Variants in CUBN observed in about 807,000 individuals in gnomAD.
The protein encoded by CUBN is 460 kDa receptor.
Under a neutral mutation model 405.3 loss-of-function variants are expected in CUBN, and 282 were observed. The ratio of observed to expected loss-of-function variants is 0.70; its 90% CI spans 0.63 to 0.77. The LOEUF is 0.77. CUBN is among the 30% of genes least tolerant of loss of function. CUBN has a pLI of 0.00. For missense variants in CUBN, 4,514 were observed against 4,475.2 expected (o/e 1.01, Z -0.25); for synonymous variants, 1,684 against 1,617.0 (o/e 1.04, Z -0.99).
intron 22 of CUBN, among the ~76,000 whole-genome samples, chr10:17,055,029 A>G (rs952054297): frequency 1.3e-5 from 2 of 152,120 alleles, no homozygotes; most frequent in Non-Finnish European, 2.9e-5. Context: ...GCAAAAATCC[A>G]TAAGAAAATT....
At chr10:16,991,489 A>G (rs1367822575) in intron 28 of CUBN, among the ~76,000 whole-genome samples, 1 of 152,260 alleles carries the variant, frequency 6.6e-6, no homozygotes, top group Non-Finnish European at 1.5e-5. Context: ...GGAGAGGAAG[A>G]GAAAACTTTG....
Position 16,925,349 on chromosome 10 carries a change from C to T in CUBN, c.6538G>A (p.Ala2180Thr), listed in dbSNP as rs769495257. Residue 2180 changes from alanine to threonine, a missense_variant, in exon 43 of 67, where the codon GCT (alanine) becomes ACT (threonine). Ala to Thr is a moderately conservative substitution (Grantham distance 58, BLOSUM62 0). Coordinates refer to ENST00000377833, the MANE Select transcript of CUBN (RefSeq NM_001081.4). ...GGNGHFCGSH[A>T]SSTLFTSDNQ... ...TCCGAGGTGAACAGAGTTGATGAAG[C>T]ATGACTGCCACAAAAATGACCATTT... 11 of 1,613,888 alleles carry T rather than the reference C, an allele frequency of 6.8e-6. No homozygotes were observed. The highest frequency in any genetic ancestry group is 3.3e-5 in the South Asian group (3 of 91,080).
intron 60 of CUBN, among the ~76,000 whole-genome samples, chr10:16,842,994 A>G (rs1411083335): frequency 1.3e-5 from 2 of 152,196 alleles, no homozygotes; most frequent in African/African-American, 2.4e-5. Context: ...AATGCTATTG[A>G]ATGTTGCCCT....
At chr10:17,017,980 C>T (rs1472507886) in intron 28 of CUBN, among the ~76,000 whole-genome samples, 1 of 152,124 alleles carries the variant, frequency 6.6e-6, no homozygotes, top group Non-Finnish European at 1.5e-5. Context: ...GGCCAACCAA[C>T]TTGTTGTTGG....
intron 22 of CUBN, among the ~76,000 whole-genome samples, chr10:17,060,954 C>T (rs1048437948): frequency 1.3e-5 from 2 of 152,110 alleles, no homozygotes; most frequent in East Asian, 3.9e-4. Context: ...GAGGCTGAGG[C>T]AGGAGAATCA....
intron 59 of CUBN, among the ~76,000 whole-genome samples, chr10:16,854,375 C>G (rs1315356479): frequency 6.6e-6 from 1 of 152,218 alleles, no homozygotes; most frequent in Non-Finnish European, 1.5e-5. Context: ...GTTTGGCTGT[C>G]AGACTGTGTT....
chr10:17,017,929 C>T (rs1255773376), intron 28 of CUBN, among the ~76,000 whole-genome samples: 1 of 152,082 alleles, frequency 6.6e-6, no homozygotes, highest in Non-Finnish European at 1.5e-5. Flanking sequence ...GCAAGTCTTG[C>T]TTGGGTGACA....
chr10:16,825,746 T>A (rs1838758301), intron 66 of CUBN, among the ~76,000 whole-genome samples: 1 of 151,188 alleles, frequency 6.6e-6, no homozygotes, highest in Non-Finnish European at 1.5e-5. Flanking sequence ...ATCAAGGCAC[T>A]GCCACGCTGC....
chr10:16,993,855 AT>A (rs1300265179), intron 28 of CUBN, among the ~76,000 whole-genome samples: 1 of 152,118 alleles, frequency 6.6e-6, no homozygotes, highest in African/African-American at 2.4e-5. Flanking sequence ...ATATTGTATG[AT>A]CATGAGAAAG....
At position 16,982,581 on chromosome 10, in the gene CUBN, T is replaced by C. The variant is rs1025505410; in HGVS notation, c.4598A>G (p.Asn1533Ser). The C allele has an allele frequency of 2.5e-6, 4 of 1,613,674 alleles. No individual in the cohort carries two copies. Among genetic ancestry groups the C allele is most frequent in the Non-Finnish European group, 3.4e-6 (4 of 1,179,688 alleles). The change falls in exon 31 of 67, where the codon AAC becomes AGC. Residue 1533 changes from asparagine (N) to serine (S), a missense_variant. This residue lies in a region of CUBN where 1,613 missense variants were observed against 1,542.8 expected (regional missense o/e 1.05). Coordinates refer to ENST00000377833, the MANE Select transcript of CUBN (RefSeq NM_001081.4). ...CCGAATGACCCAAGAACAGTCTGTG[T>C]TGCTCCTATAAGGACTGGGGTAATT... The part of the protein sequence containing the change: ...SPNYPSPYRS[N>S]TDCSWVIRVD...
At chr10:16,977,182 G>A (rs1250150002) in intron 31 of CUBN, among the ~76,000 whole-genome samples, 1 of 152,158 alleles carries the variant, frequency 6.6e-6, no homozygotes, top group Non-Finnish European at 1.5e-5. Flanking sequence ...CTAGGTAGAA[G>A]AGGGCAGTTC....
chr10:17,000,035 A>G (rs761708538), intron 28 of CUBN, among the ~76,000 whole-genome samples: 6 of 152,218 alleles, frequency 3.9e-5, no homozygotes, highest in Non-Finnish European at 8.8e-5. Context: ...ACAACATCCC[A>G]TGCTGCAGGC....
At chr10:16,877,154 C>T (rs1840533990) in intron 56 of CUBN, 57 bp from the exon 57 acceptor site, 3 of 1,473,890 alleles carry the variant, frequency 2.0e-6, no homozygotes, top group Non-Finnish European at 1.9e-6. Context: ...ACAATTAAGG[C>T]CATAAAAATA....
chr10:17,094,277 A>G, intron 14 of CUBN, among the ~76,000 whole-genome samples: 1 of 152,110 alleles, frequency 6.6e-6, no homozygotes, highest in East Asian at 1.9e-4. Flanking sequence ...GTATTCTTAG[A>G]GAGCTAATAG....
chr10:16,860,940 C>T (rs1041232468), intron 59 of CUBN, among the ~76,000 whole-genome samples: 4 of 152,184 alleles, frequency 2.6e-5, no homozygotes, highest in Non-Finnish European at 4.4e-5. Flanking sequence ...GATGATAGCA[C>T]GCTCCAGCTC....
At chr10:16,985,596 G>GC (rs1833394272) in intron 29 of CUBN, among the ~76,000 whole-genome samples, 1 of 152,204 alleles carries the variant, frequency 6.6e-6, no homozygotes, top group African/African-American at 2.4e-5. Context: ...GAATACTGTA[G>GC]CCTGCCCATG....
rs145398199 is a variant in CUBN at position 16,981,774 on chromosome 10, C to G, written c.4695+710G>C. ...AGGCAGCCAAGCAAATAAGCCACCC[C>G]CTTCGCAAGTCCTGTAAAGGAGTCA... On this transcript the variant is annotated intron_variant, in intron 31 of 66. Coordinates refer to ENST00000377833, the MANE Select transcript of CUBN (RefSeq NM_001081.4). 3.3e-5 allele frequency among the ~76,000 whole-genome samples: 5 copies of G among 152,278 alleles called. No individual in the cohort carries two copies. The East Asian group carries it at 9.7e-4, about 29-fold the overall frequency.
chr10:16,838,896 T>G (rs2131316671), intron 62 of CUBN, among the ~76,000 whole-genome samples: 1 of 152,292 alleles, frequency 6.6e-6, no homozygotes, highest in African/African-American at 2.4e-5. Context: ...TCCACCAGCC[T>G]TGGCCTCCCA....
At position 17,068,277 on chromosome 10, in the gene CUBN, C is replaced by A; in HGVS notation, c.2795G>T (p.Cys932Phe). 1 of 1,613,512 alleles carries A rather than the reference C, an allele frequency of 6.2e-7. No homozygotes were observed. Among genetic ancestry groups the A allele is most frequent in the Admixed American group, 1.7e-5 (1 of 59,966 alleles). ...MAKFSAEDLA[C>F]GEILTESTGT... ...TGTTGATTCTGTAAGAATTTCTCCA[C>A]ATGCTGTTGAAATAAAAATTATAAT... is the stretch of plus-strand genomic sequence containing the variant. Residue 932 changes from cysteine (C) to phenylalanine (F), a missense_variant, in exon 21 of 67, where the codon TGT becomes TTT. By Grantham distance (205) the Cys-to-Phe change is radical (BLOSUM62 -2). Transcript: ENST00000377833.
Sources: allele counts gnomAD v4.1 joint callset (sites outside exome capture counted in the v4.1 genomes callset), GRCh38; gene constraint gnomAD v4.1.1; regional missense constraint gnomAD v4.1.1; transcripts MANE v1.5; gene names NCBI Gene and HGNC (gene_info 2026-07-23, HGNC 2026-07-21).